The following CPSF1 variants were observed in gnomAD, a reference collection of about 807,000 sequenced individuals.
The protein encoded by CPSF1 is cleavage and polyadenylation specificity factor subunit 1.
In CPSF1, 106 loss-of-function variants were observed where a neutral mutation model predicts 175.8. That is an observed-to-expected ratio of 0.60 (90% CI 0.52 to 0.71). The LOEUF (loss-of-function observed/expected upper bound fraction) is 0.71, where lower values mean the gene tolerates loss of function less well. Ranked by LOEUF, CPSF1 falls within the 30% of genes least tolerant of loss-of-function variation. CPSF1 has a pLI of 0.00. For synonymous variants in CPSF1, 1,024 were observed against 858.3 expected, an observed-to-expected ratio of 1.19 and a Z score of -3.37; for missense variants, 1,734 against 2,022.9, an observed-to-expected ratio of 0.86 and a Z score of 2.74.
intron 2 of CPSF1, among the ~76,000 whole-genome samples, chr8:144,408,047 T>C (rs2116910162): frequency 3.3e-5 from 5 of 152,178 alleles, no homozygotes; most frequent in Non-Finnish European, 4.4e-5. Flanking sequence ...CAAATACATA[T>C]GTATGCCGGG....
rs558989712 is a variant in CPSF1 at position 144,397,631 on chromosome 8, C to T, written c.2241G>A (p.Leu747=). Residue 747 remains leucine, a synonymous_variant, in exon 22 of 38, where the codon CTG becomes CTA. Coordinates refer to ENST00000616140, the MANE Select transcript of CPSF1 (RefSeq NM_013291.3). ...SPTVDDEEEM[L]YGDSGSLFSP... is the part of the protein sequence containing the mutation. ...TGAAGAGGGAGCCCGAATCCCCATACAGCATCTCCTCCTCGTCATCCACTG... is the reference window on the plus strand; with the variant it reads ...TGAAGAGGGAGCCCGAATCCCCATATAGCATCTCCTCCTCGTCATCCACTG... 4.0e-5 allele frequency: 62 copies of T among 1,533,568 alleles called. 1 individual carries two copies. The South Asian group carries it at 6.0e-4, about 15-fold the overall frequency. The allele number at this position is 1,533,568 out of a possible 1,614,324, so 95.0% of individuals were successfully genotyped here.
chr8:144,394,761 C>T lies in CPSF1; in HGVS notation c.3450G>A (p.Glu1150=), dbSNP rs1362934259. The change falls in exon 31 of 38, where the codon GAG becomes GAA. Residue 1150 remains glutamate (E), a synonymous_variant. Transcript: ENST00000616140. The part of the protein sequence containing the change: ...LIMDVIEVVP[E]PGQPLTKNKF... ...TGTTCTTGGTCAAGGGCTGGCCAGG[C>T]TCGGGCACCACCTCAATCACATCCA... The T allele has an allele frequency of 6.2e-7, 1 of 1,613,620 alleles. No individual in the cohort carries two copies. Among genetic ancestry groups the T allele is most frequent in the Non-Finnish European group, 8.5e-7 (1 of 1,179,962 alleles).
chr8:144,397,232 C>A lies in CPSF1; in HGVS notation c.2567G>T (p.Ser856Ile). The A allele has an allele frequency of 6.5e-7, 1 of 1,547,520 alleles. No individual in the cohort carries two copies. The highest frequency in any genetic ancestry group is 1.9e-5 in the Admixed American group (1 of 51,494). Residue 856 changes from serine (S) to isoleucine (I), a missense_variant, in exon 23 of 38, where the codon AGC becomes ATC. By Grantham distance (142) the Ser-to-Ile change is moderately radical. Around this residue, in one of 10 missense-constraint regions of CPSF1, gnomAD observed 585 missense variants for 584.7 expected, o/e 1.00. Transcript: ENST00000616140. ...CAGCAGGTAGGGCCTGCTCTGGCGG[C>A]TGCCCAGCGCCACCAGCAGCACCTC... Reference protein sequence around the residue: ...VKEVLLVALGSRQSRPYLLVH... With the variant: ...VKEVLLVALGIRQSRPYLLVH...
intron 29 of CPSF1, 37 bp downstream of exon 29, chr8:144,395,061 C>A: frequency 6.2e-7 from 1 of 1,603,886 alleles, no homozygotes; most frequent in Non-Finnish European, 8.5e-7. Flanking sequence ...TGCCTGGAGG[C>A]CTTGGGCAGA....
intron 2 of CPSF1, among the ~76,000 whole-genome samples, chr8:144,406,152 G>A (rs2116904350): frequency 1.0e-4 from 10 of 100,408 alleles, no homozygotes; most frequent in Non-Finnish European, 1.6e-4. Flanking sequence ...GCAAGACCCC[G>A]TTTCTTAAAA....
Position 144,396,411 on chromosome 8 carries a change from G to C in CPSF1, c.2916C>G (p.Val972=), listed in dbSNP as rs367752570. 6.3e-7 allele frequency: 1 copy of C among 1,591,286 alleles called. No homozygotes were observed. The highest frequency in any genetic ancestry group is 8.5e-7 in the Non-Finnish European group (1 of 1,171,256). ...CATTGTGGAATGGAGCGAAAGAGTC[G>C]ACCGGGCCGTCGATGGCCATGGGGT... ...RLHPMAIDGP[V]DSFAPFHNVN... is the part of the protein sequence containing the mutation. The change falls in exon 26 of 38, where the codon GTC becomes GTG. Residue 972 remains valine (V), a synonymous_variant. Transcript: ENST00000616140.
In CPSF1 at chr8:144,398,681, T is replaced by G. The variant is rs2116853581; in HGVS notation, c.1639-43A>C. The G allele has an allele frequency of 2.9e-5, 46 of 1,608,940 alleles. No individual in the cohort carries two copies. In the East Asian group the frequency reaches 3.4e-4, roughly 12 times the overall value. On this transcript the variant is annotated intron_variant, in intron 17 of 37. Coordinates refer to ENST00000616140, the MANE Select transcript of CPSF1 (RefSeq NM_013291.3). ...GGGCAGGCTGGAAGCCACAGTCCAG[T>G]GAAGGCAGGCACGCAGGTGCGACCT...
At position 144,401,494 on chromosome 8, in the gene CPSF1, A is replaced by G. The variant is rs1426463578; in HGVS notation, c.242T>C (p.Met81Thr). ...SFSFFGNVMS[M>T]ASVQLAGAKR... is the part of the protein sequence containing the mutation. ...GGCTCCTGCCAGCTGCACGCTGGCC[A>G]TGGACATGACGTTGCCAAAGAAGGA... The change falls in exon 4 of 38, where the codon ATG (methionine) becomes ACG (threonine). Residue 81 changes from methionine to threonine, a missense_variant. Coordinates refer to ENST00000616140, the MANE Select transcript of CPSF1 (RefSeq NM_013291.3). The G allele has an allele frequency of 3.1e-6, 5 of 1,613,908 alleles. No individual in the cohort carries two copies. The Admixed American group carries it at 6.7e-5, about 22-fold the overall frequency.
In CPSF1 at chr8:144,409,029, T is replaced by G. The variant is rs201769168; in HGVS notation, c.130A>C (p.Asn44His). 1.9e-4 allele frequency: 299 copies of G among 1,613,252 alleles called. No individual in the cohort carries two copies. Among genetic ancestry groups the G allele is most frequent in the Admixed American group, 1.2e-3 (74 of 59,966 alleles). ...GCCCGACCTACCTCGGCGTCGCGGTTGAGGCGGTACACGTAGAGCTGCGAG... is the reference window on the plus strand; with the variant it reads ...GCCCGACCTACCTCGGCGTCGCGGTGGAGGCGGTACACGTAGAGCTGCGAG... ...GTSQLYVYRL[N>H]RDAEALTKND... The change falls in exon 2 of 38, where the codon AAC becomes CAC. Residue 44 changes from asparagine to histidine, a missense_variant. By Grantham distance (68) the Asn-to-His change is moderately conservative (BLOSUM62 1). This residue lies in a region of CPSF1 where 126 missense variants were observed against 117.9 expected (regional missense o/e 1.07). Coordinates refer to ENST00000616140, the MANE Select transcript of CPSF1 (RefSeq NM_013291.3).
At chr8:144,404,423 T>C (rs1257186020) in intron 2 of CPSF1, among the ~76,000 whole-genome samples, 11 of 151,776 alleles carry the variant, frequency 7.2e-5, no homozygotes, top group Admixed American at 5.9e-4. Context: ...TAGAGTGCAG[T>C]GGCACAATCT....
intron 2 of CPSF1, 41 bp from the exon 3 acceptor site, chr8:144,401,714 T>A: frequency 3.8e-6 from 6 of 1,578,886 alleles, no homozygotes; most frequent in Non-Finnish European, 5.2e-6. Context: ...GGGCCACATC[T>A]GGCAGCTCAC....
At position 144,400,922 on chromosome 8, in the gene CPSF1, A is replaced by G; in HGVS notation, c.539+2T>C. 1 of 1,600,874 alleles carries G rather than the reference A, an allele frequency of 6.2e-7. No homozygotes were observed. Among genetic ancestry groups the G allele is most frequent in the Non-Finnish European group, 8.5e-7 (1 of 1,173,290 alleles). On this transcript the variant is annotated splice_donor_variant, in intron 6 of 37. Transcript: ENST00000616140. LOFTEE classifies it high-confidence loss of function. ...CCACAGCCTGCCTCAGCTGGCACTC[A>G]CCCCTCACCCACGAGCCCCTCGTGC...
rs151014429 is a variant in CPSF1 at position 144,396,022 on chromosome 8, C to T, written c.2979+326G>A. ...AAGCCTGTGTGCCCTCCCAAAGTCA[C>T]AGAGCAGCCAAGGGGCAGAGCTAGC... On this transcript the variant is annotated intron_variant, in intron 26 of 37. Transcript: ENST00000616140. 2,696 of 426,876 alleles carry T rather than the reference C, an allele frequency of 6.3e-3. 20 individuals are homozygous for T. Among genetic ancestry groups the T allele is most frequent in the Non-Finnish European group, 8.5e-3 (1,996 of 234,302 alleles). The allele number at this position is 426,876 out of a possible 1,614,324, so 26.4% of individuals were successfully genotyped here. A position where few individuals can be genotyped will look rare whatever the true frequency, so the allele number is the denominator to read the frequency against.
Position 144,409,152 on chromosome 8 carries a change from C to T in CPSF1, c.7G>A (p.Ala3Thr). 1 of 1,609,378 alleles carries T rather than the reference C, an allele frequency of 6.2e-7. No individual in the cohort carries two copies. Among genetic ancestry groups the T allele is most frequent in the East Asian group, 2.3e-5 (1 of 44,332 alleles). The change falls in exon 2 of 38, where the codon GCC becomes ACC. Residue 3 changes from alanine to threonine, a missense_variant. Transcript: ENST00000616140. ...GGCGGATGCGCCTGTTTGTACACGG[C>T]GTACATGGCGCCAACCCGGGCTGCG... MYAVYKQAHPPTG... is the reference protein window; with the variant it reads MYTVYKQAHPPTG...
chr8:144,409,002 G>C lies in CPSF1; in HGVS notation c.144+13C>G. 1.2e-6 allele frequency: 2 copies of C among 1,611,672 alleles called. No homozygotes were observed. The highest frequency in any genetic ancestry group is 1.1e-5 in the South Asian group (1 of 90,964). ...TCGCGGACAGCCGGGAGGGCTCCCA[G>C]GGCCCGACCTACCTCGGCGTCGCGG... is the stretch of plus-strand genomic sequence containing the variant. On this transcript the variant is annotated intron_variant, in intron 2 of 37. Coordinates refer to ENST00000616140, the MANE Select transcript of CPSF1 (RefSeq NM_013291.3).
intron 2 of CPSF1, among the ~76,000 whole-genome samples, chr8:144,406,611 C>A (rs1821509954): frequency 6.6e-6 from 1 of 152,240 alleles, no homozygotes; most frequent in Admixed American, 6.5e-5. Flanking sequence ...TCTGACTTGA[C>A]CTCCATACCA....
At position 144,399,801 on chromosome 8, in the gene CPSF1, C is replaced by T. The variant is rs1564692627; in HGVS notation, c.1099G>A (p.Ala367Thr). Residue 367 changes from alanine (A) to threonine (T), a missense_variant, in exon 11 of 38, where the codon GCC becomes ACC. Ala to Thr is a moderately conservative substitution (Grantham distance 58). Around this residue, in one of 10 missense-constraint regions of CPSF1, gnomAD observed 162 missense variants for 169.5 expected, o/e 0.96. Coordinates refer to ENST00000616140, the MANE Select transcript of CPSF1 (RefSeq NM_013291.3). This position sits in a 1 kb window ranked among gnomAD's most constrained non-coding sequence, Gnocchi z 6.4. ...CTCACGCTGGTGGTGAGGACGCTGG[C>T]GGCCGCCTTGTCAAAGTGGAACGCT... ...VRAFHFDKAA[A>T]SVLTTSMVTM... 3.2e-6 allele frequency: 5 copies of T among 1,563,988 alleles called. No homozygotes were observed. Among genetic ancestry groups the T allele is most frequent in the South Asian group, 1.2e-5 (1 of 85,364 alleles).
At chr8:144,400,135 G>GGGGCCCCCCCCCC in intron 9 of CPSF1, 31 bp downstream of exon 9, 10 of 895,970 alleles carry the variant, frequency 1.1e-5, no homozygotes, top group African/African-American at 2.3e-5. Flanking sequence ...CCGTCCCCGG[G>GGGGCCCCCCCCCC]CCCCCCCCGC....
intron 23 of CPSF1, 78 bp downstream of exon 23, chr8:144,397,129 G>A (rs138286238): frequency 0.031 from 43,617 of 1,384,730 alleles, 881 homozygotes; most frequent in Non-Finnish European, 0.038. Flanking sequence ...GTGGAGCCAC[G>A]GGAAGGGGCG....
Sources: gnomAD v4.1 joint callset for allele counts (sites outside exome capture counted in the v4.1 genomes callset) on GRCh38, gnomAD v4.1.1 for gene constraint, gnomAD v4.1.1 regional missense constraint, Gnocchi (gnomAD v3.1) non-coding constraint, MANE v1.5 for transcripts, NCBI Gene and HGNC (gene_info 2026-07-23, HGNC 2026-07-21) for gene names.